The following SIK2 variants were observed in gnomAD, a reference collection of about 807,000 sequenced individuals.
The protein encoded by SIK2 is serine/threonine-protein kinase SIK2.
Under a neutral mutation model 103.2 loss-of-function variants are expected in SIK2, and 29 were observed. That is an observed-to-expected ratio of 0.28 (90% confidence interval 0.21 to 0.38). The LOEUF is 0.38. Ranked by LOEUF, SIK2 falls within the 10% of genes least tolerant of loss-of-function variation. The pLI is 1.00. For synonymous variants in SIK2, 412 were observed against 446.1 expected (o/e 0.92, Z 0.96); for missense variants, 879 against 1,171.0 (o/e 0.75, Z 3.64).
chr11:111,719,134 T>C (rs1943728627), intron 9 of SIK2, among the ~76,000 whole-genome samples: 1 of 152,252 alleles, frequency 6.6e-6, no homozygotes, highest in Admixed American at 6.5e-5. Context: ...TTTGTTATTC[T>C]ACAATGGGAG....
At position 111,723,724 on chromosome 11, in the gene SIK2, C is replaced by T. The variant is rs763273773; in HGVS notation, c.2376C>T (p.Ser792=). Residue 792 remains serine (S), a synonymous_variant, in exon 15 of 15, where the codon AGC becomes AGT. Transcript: ENST00000304987. ...AGATGCAATACAGCCCTTTCCTCAG[C>T]CAGTACCAAGAGATGCAGCTTCAGC... ...SEQMQYSPFL[S]QYQEMQLQPL... 6.2e-6 allele frequency: 10 copies of T among 1,614,044 alleles called. No homozygotes were observed. In the South Asian group the frequency reaches 9.9e-5, roughly 16 times the overall value.
chr11:111,621,496 TC>T (rs1257980263), intron 3 of SIK2, among the ~76,000 whole-genome samples: 1 of 35,054 alleles, frequency 2.9e-5, no homozygotes, highest in Non-Finnish European at 1.6e-4. Context: ...TATTCATTCA[TC>T]TATCTATTGA....
intron 3 of SIK2, among the ~76,000 whole-genome samples, chr11:111,680,183 A>G (rs1942759204): frequency 6.6e-6 from 1 of 152,226 alleles, no homozygotes; most frequent in Admixed American, 6.5e-5. Flanking sequence ...AGAAGAAAAA[A>G]CTGTTAGAGG....
chr11:111,726,897 T>A lies in SIK2; in HGVS notation c.*2768T>A. 1.3e-6 allele frequency: 2 copies of A among 1,483,052 alleles called. No homozygotes were observed. 91.9% of individuals were successfully genotyped at this position (1,483,052 alleles called of 1,614,324 possible). Reference sequence around the variant, plus strand: ...GGTGAGATGAACGTGAGGTAAAAATTTCGTTCGGCAAAAAGTGCAATATGT... The same window carrying A: ...GGTGAGATGAACGTGAGGTAAAAATATCGTTCGGCAAAAAGTGCAATATGT... On this transcript the variant is annotated 3_prime_UTR_variant, in exon 15 of 15. Transcript: ENST00000304987.
At chr11:111,713,150 G>GT (rs758646512) in intron 9 of SIK2, among the ~76,000 whole-genome samples, 39 of 152,078 alleles carry the variant, frequency 2.6e-4, no homozygotes, top group Non-Finnish European at 4.7e-4. Context: ...GGGTGACAGA[G>GT]TGAGACTCCA....
chr11:111,669,180 G>A (rs1458698391), intron 3 of SIK2, among the ~76,000 whole-genome samples: 1 of 152,166 alleles, frequency 6.6e-6, no homozygotes, highest in Non-Finnish European at 1.5e-5. Context: ...ATTTTGACTA[G>A]AATACAACTA....
chr11:111,623,567 T>C (rs1216409383), intron 3 of SIK2, among the ~76,000 whole-genome samples: 1 of 152,246 alleles, frequency 6.6e-6, no homozygotes, highest in Admixed American at 6.5e-5. Context: ...GCCTTCATAA[T>C]TGAAACAGTG....
At chr11:111,664,378 G>A (rs11608149) in intron 3 of SIK2, among the ~76,000 whole-genome samples, 37,227 of 151,806 alleles carry the variant, frequency 0.25, 4,726 homozygotes, top group Middle Eastern at 0.31. Context: ...ATCTTTGGGA[G>A]GCCGAGGCGG....
chr11:111,619,561 T>C (rs1591590422), intron 2 of SIK2, among the ~76,000 whole-genome samples: 1 of 152,154 alleles, frequency 6.6e-6, no homozygotes, highest in East Asian at 1.9e-4. Context: ...GCCAGGCTGG[T>C]GTCGAACTCC....
At chr11:111,674,777 C>T (rs1353366070) in intron 3 of SIK2, among the ~76,000 whole-genome samples, 4 of 150,154 alleles carry the variant, frequency 2.7e-5, no homozygotes, top group South Asian at 2.1e-4. Flanking sequence ...GACGGAGTCT[C>T]GTTCTGTCAC....
intron 3 of SIK2, among the ~76,000 whole-genome samples, chr11:111,627,946 TTC>T (rs1243965914): frequency 6.6e-6 from 1 of 152,208 alleles, no homozygotes; most frequent in African/African-American, 2.4e-5. Context: ...TGTTTTACCA[TTC>T]TCTCTTTCTT....
At position 111,713,772 on chromosome 11, in the gene SIK2, G is replaced by C. The variant is rs145075622; in HGVS notation, c.1266+1397G>C. On this transcript the variant is annotated intron_variant, in intron 9 of 14. Coordinates refer to ENST00000304987, the MANE Select transcript of SIK2 (RefSeq NM_015191.3). ...TCATGACGTCAGGAGTTCAAGACCA[G>C]CGTGGCCAACATGGCGAAACTCCGT... Among the ~76,000 whole-genome samples, 1,123 of 152,286 alleles carry C rather than the reference G, an allele frequency of 7.4e-3. 8 individuals carry two copies. Among genetic ancestry groups the C allele is most frequent in the Middle Eastern group, 0.054 (16 of 294 alleles).
chr11:111,668,204 GTT>G (rs562450900), intron 3 of SIK2, among the ~76,000 whole-genome samples: 1 of 151,632 alleles, frequency 6.6e-6, no homozygotes, highest in African/African-American at 2.4e-5. Flanking sequence ...GTGTGTGTGT[GTT>G]TGTGCACACG....
At chr11:111,647,137 A>C (rs1336851948) in intron 3 of SIK2, among the ~76,000 whole-genome samples, 1 of 152,234 alleles carries the variant, frequency 6.6e-6, no homozygotes, top group African/African-American at 2.4e-5. Flanking sequence ...ATAGTAGTCC[A>C]TCAATTAAAC....
At chr11:111,689,103 G>A (rs1262729194) in intron 4 of SIK2, among the ~76,000 whole-genome samples, 2 of 152,204 alleles carry the variant, frequency 1.3e-5, no homozygotes, top group Non-Finnish European at 2.9e-5. Flanking sequence ...CAGGCAGGTA[G>A]ACAGAGATTG....
chr11:111,612,915 G>GAGATATATATATATAT (rs1555024097), intron 1 of SIK2, among the ~76,000 whole-genome samples: 1 of 50,028 alleles, frequency 2.0e-5, no homozygotes, highest in Non-Finnish European at 4.1e-5. Flanking sequence ...ATAGCAATGG[G>GAGATATATATATATAT]ATATATATAT....
intron 3 of SIK2, among the ~76,000 whole-genome samples, chr11:111,670,133 T>C (rs4936628): frequency 0.94 from 143,274 of 152,230 alleles, 67,893 homozygotes; most frequent in East Asian, 1. Flanking sequence ...TATCCAACAC[T>C]AGGTCTCATT....
intron 1 of SIK2, among the ~76,000 whole-genome samples, chr11:111,613,698 C>T (rs1941760747): frequency 6.6e-6 from 1 of 152,104 alleles, no homozygotes; most frequent in Admixed American, 6.5e-5. Flanking sequence ...AGAATATTTT[C>T]ATTACGGTAA....
At chr11:111,710,932 C>T (rs1943477632) in intron 8 of SIK2, among the ~76,000 whole-genome samples, 1 of 152,142 alleles carries the variant, frequency 6.6e-6, no homozygotes, top group African/African-American at 2.4e-5. Flanking sequence ...ACAGGCTGTC[C>T]TTCTGCCTTT....
Sources: gnomAD v4.1 joint callset for allele counts (sites outside exome capture counted in the v4.1 genomes callset) on GRCh38, gnomAD v4.1.1 for gene constraint, MANE v1.5 for transcripts, NCBI Gene and HGNC (gene_info 2026-07-23, HGNC 2026-07-21) for gene names.